The following AKAP1 variants were observed in gnomAD, a reference collection of about 807,000 sequenced individuals.
AKAP1 encodes the protein A-kinase anchoring protein 1.
Under a neutral mutation model 79.8 loss-of-function variants are expected in AKAP1, and 32 were observed. That is an observed-to-expected ratio of 0.40 (90% CI 0.30 to 0.54). The LOEUF is 0.54. Ranked by LOEUF, AKAP1 falls within the 20% of genes least tolerant of loss-of-function variation. The pLI is 0.47. For synonymous variants in AKAP1, 416 were observed against 466.7 expected, an observed-to-expected ratio of 0.89 and a Z score of 1.40; for missense variants, 961 against 1,138.9, an observed-to-expected ratio of 0.84 and a Z score of 2.25.
chr17:57,099,182 TTGGCTC>T (rs1567901018), intron 1 of AKAP1, among the ~76,000 whole-genome samples: 1 of 152,172 alleles, frequency 6.6e-6, no homozygotes, highest in Non-Finnish European at 1.5e-5. Context: ...CCAGGGTCTC[TTGGCTC>T]TGTTCTTGTT....
intron 1 of AKAP1, among the ~76,000 whole-genome samples, chr17:57,100,752 C>T (rs1292861981): frequency 6.6e-6 from 1 of 152,240 alleles, no homozygotes; most frequent in African/African-American, 2.4e-5. Flanking sequence ...CGGGCACACT[C>T]CCCTATCCAT....
At chr17:57,118,493 G>C in intron 9 of AKAP1, 39 bp downstream of exon 9, 5 of 1,607,098 alleles carry the variant, frequency 3.1e-6, no homozygotes, top group East Asian at 2.2e-5. Context: ...AGGCTGGCTG[G>C]GTTCTTGGGA....
At position 57,106,653 on chromosome 17, in the gene AKAP1, G is replaced by A. The variant is rs1914892472; in HGVS notation, c.1189G>A (p.Val397Ile). 6.2e-7 allele frequency: 1 copy of A among 1,613,994 alleles called. No individual in the cohort carries two copies. Among genetic ancestry groups the A allele is most frequent in the African/African-American group, 1.3e-5 (1 of 74,898 alleles). Reference sequence around the variant, plus strand: ...CTGTGTCCCAGTTCACCAGAAAACTGTCTTGGGCCCAGACACTGCGGAGCC... The same window carrying A: ...CTGTGTCCCAGTTCACCAGAAAACTATCTTGGGCCCAGACACTGCGGAGCC... ...ESCVPVHQKT[V>I]LGPDTAEPAT... Residue 397 changes from valine to isoleucine, a missense_variant, in exon 2 of 11, where the codon GTC becomes ATC. Physicochemically the swap from Val to Ile is conservative, Grantham distance 29. This residue lies in a region of AKAP1 where 629 missense variants were observed against 781.1 expected (regional missense o/e 0.81). Coordinates refer to ENST00000337714, the MANE Select transcript of AKAP1 (RefSeq NM_003488.4).
At chr17:57,119,848 T>TTTTTTTTTTTTTTTTTTTTTTTTC (rs1915818118) in intron 10 of AKAP1, among the ~76,000 whole-genome samples, 1 of 138,582 alleles carries the variant, frequency 7.2e-6, no homozygotes, top group African/African-American at 2.8e-5. Context: ...TTTTTTTTTT[T>TTTTTTTTTTTTTTTTTTTTTTTTC]TTGAGACAGT....
In AKAP1 at chr17:57,106,249, A is replaced by C. The variant is rs941112409; in HGVS notation, c.785A>C (p.Tyr262Ser). Residue 262 changes from tyrosine (Y) to serine (S), a missense_variant, in exon 2 of 11, where the codon TAT becomes TCT. Physicochemically the swap from Tyr to Ser is moderately radical, Grantham distance 144 (BLOSUM62 -2). Coordinates refer to ENST00000337714, the MANE Select transcript of AKAP1 (RefSeq NM_003488.4). ...GTGGGGCCAGTGCAGGAGGAAGAGT[A>C]TGTAGCAGAGAAGTTGCCAAGTAGG... The part of the protein sequence containing the change: ...QVVGPVQEEE[Y>S]VAEKLPSRFI... 1.9e-6 allele frequency: 3 copies of C among 1,614,066 alleles called. No homozygotes were observed. Among genetic ancestry groups the C allele is most frequent in the Non-Finnish European group, 2.5e-6 (3 of 1,180,038 alleles).
In AKAP1 at chr17:57,116,932, C is replaced by A; in HGVS notation, c.2500+5C>A. 6.2e-7 allele frequency: 1 copy of A among 1,613,780 alleles called. No individual in the cohort carries two copies. The highest frequency in any genetic ancestry group is 8.5e-7 in the Non-Finnish European group (1 of 1,179,660). ...ACAGTGTGATGCCCCTGTCAGGTAA[C>A]AGCTGAGGCCTTTGGCTTGGGGGAT... On this transcript the variant is annotated splice_donor_5th_base_variant and intron_variant, in intron 8 of 10. Coordinates refer to ENST00000337714, the MANE Select transcript of AKAP1 (RefSeq NM_003488.4).
Position 57,105,938 on chromosome 17 carries a change from C to T in AKAP1, c.474C>T (p.Ser158=). ...PLSSPKGVLF[S]SKSAEVCKQD... is the part of the protein sequence containing the mutation. ...CATCCCCAAAGGGTGTACTATTCTC[C>T]AGCAAATCAGCTGAGGTGTGTAAGC... is the stretch of plus-strand genomic sequence containing the variant. Residue 158 remains serine (S), a synonymous_variant, in exon 2 of 11, where the codon TCC becomes TCT. Transcript: ENST00000337714. 1 of 1,614,242 alleles carries T rather than the reference C, an allele frequency of 6.2e-7. No individual in the cohort carries two copies. Among genetic ancestry groups the T allele is most frequent in the South Asian group, 1.1e-5 (1 of 91,090 alleles).
rs1373919087 is a variant in AKAP1, at chr17:57,085,577, G to A, written c.-25+179G>A. On this transcript the variant is annotated intron_variant, in intron 1 of 10. Coordinates refer to ENST00000337714, the MANE Select transcript of AKAP1 (RefSeq NM_003488.4). ...GGCTCTCGGCCGCCGCGCGCTGTCA[G>A]GCAGGCCCATCTTTCCCTCCCTCGT... 2.0e-5 allele frequency: 3 copies of A among 152,386 alleles called. No individual in the cohort carries two copies. In the East Asian group the frequency reaches 5.8e-4, roughly 29 times the overall value. 9.4% of individuals were successfully genotyped at this position (152,386 alleles called of 1,614,324 possible). A position where few individuals can be genotyped will look rare whatever the true frequency, so the allele number is the denominator to read the frequency against.
intron 8 of AKAP1, 45 bp downstream of exon 8, chr17:57,116,972 G>T (rs748382544): frequency 1.3e-6 from 2 of 1,566,938 alleles, no homozygotes; most frequent in Non-Finnish European, 1.8e-6. Flanking sequence ...GGGGACAGTT[G>T]TTGAGAGTAG....
chr17:57,097,830 C>T (rs1177937524), intron 1 of AKAP1, among the ~76,000 whole-genome samples: 1 of 152,224 alleles, frequency 6.6e-6, no homozygotes, highest in African/African-American at 2.4e-5. Flanking sequence ...CTTCACTGAC[C>T]AGGCCCAAGC....
chr17:57,104,177 C>G (rs1914699145), intron 1 of AKAP1, among the ~76,000 whole-genome samples: 1 of 152,148 alleles, frequency 6.6e-6, no homozygotes, highest in African/African-American at 2.4e-5. Context: ...CCAGGCTAGT[C>G]TCAAACTTCT....
In AKAP1 at chr17:57,120,517, G is replaced by C. The variant is rs1597997071; in HGVS notation, c.*193G>C. On this transcript the variant is annotated 3_prime_UTR_variant, in exon 11 of 11. Transcript: ENST00000337714. ...TGGAACTATGGGTTCTCTTCGCAAA[G>C]CCAAAGGATAGTGTTTAACAAGCCA... The C allele has an allele frequency of 2.1e-6, 1 of 473,102 alleles. No homozygotes were observed. The highest frequency in any genetic ancestry group is 3.5e-5 in the East Asian group (1 of 28,290). The allele number at this position is 473,102 out of a possible 1,614,324, so 29.3% of individuals were successfully genotyped here.
intron 2 of AKAP1, among the ~76,000 whole-genome samples, chr17:57,108,658 G>A (rs880135): frequency 6.6e-5 from 10 of 152,108 alleles, no homozygotes; most frequent in East Asian, 1.9e-4. Flanking sequence ...TGCCAAGCAC[G>A]AGGTTAGTGC....
intron 3 of AKAP1, among the ~76,000 whole-genome samples, chr17:57,111,145 T>C (rs1915219868): frequency 6.6e-6 from 1 of 152,138 alleles, no homozygotes; most frequent in Non-Finnish European, 1.5e-5. Context: ...CCCCAGTAGC[T>C]CCTCCGGGAG....
At chr17:57,089,750 T>A (rs1326172114) in intron 1 of AKAP1, among the ~76,000 whole-genome samples, 1 of 152,238 alleles carries the variant, frequency 6.6e-6, no homozygotes, top group African/African-American at 2.4e-5. Flanking sequence ...CTCCATGGCA[T>A]ACTACAAGTG....
At chr17:57,118,126 T>G (rs1306205958) in intron 8 of AKAP1, among the ~76,000 whole-genome samples, 1 of 151,962 alleles carries the variant, frequency 6.6e-6, no homozygotes. Flanking sequence ...GTGGTGTTAG[T>G]GGTGAAGTTT....
chr17:57,107,556 C>T (rs968628124), intron 2 of AKAP1, among the ~76,000 whole-genome samples: 5 of 152,252 alleles, frequency 3.3e-5, no homozygotes, highest in African/African-American at 9.6e-5. Context: ...AGGCTGGTCT[C>T]GCACTCCTGG....
At chr17:57,093,795 C>T (rs542575240) in intron 1 of AKAP1, 39 of 144,734 alleles carry the variant, frequency 2.7e-4, no homozygotes, top group Middle Eastern at 3.5e-3. Flanking sequence ...TCAATTCTTC[C>T]AGCTGTCCCC....
At chr17:57,116,786 A>G (rs1915612665) in intron 7 of AKAP1, 74 bp from the exon 8 acceptor site, 2 of 1,420,886 alleles carry the variant, frequency 1.4e-6, no homozygotes. Flanking sequence ...GTCACTGTAC[A>G]AAGATGAATA....
Sources: gnomAD v4.1 joint callset for allele counts (sites outside exome capture counted in the v4.1 genomes callset) on GRCh38, gnomAD v4.1.1 for gene constraint, gnomAD v4.1.1 regional missense constraint, MANE v1.5 for transcripts, NCBI Gene and HGNC (gene_info 2026-07-23, HGNC 2026-07-21) for gene names.